FBXO34: variants seen among roughly 807,000 people sequenced by gnomAD.
FBXO34 encodes F-box only protein 34.
Under a neutral mutation model 24.5 loss-of-function variants are expected in FBXO34, and 12 were observed. The ratio of observed to expected loss-of-function variants is 0.49; its 90% CI spans 0.31 to 0.79. The LOEUF is 0.79. Ranked by LOEUF, FBXO34 falls within the 30% of genes least tolerant of loss-of-function variation. FBXO34 has a pLI of 0.04. For synonymous variants in FBXO34, 320 were observed against 311.9 expected, an observed-to-expected ratio of 1.03 and a Z score of -0.27; for missense variants, 823 against 857.7, an observed-to-expected ratio of 0.96 and a Z score of 0.51.
chr14:55,441,133 A>G, the FBXO34 span, among the ~76,000 whole-genome samples: 1 of 152,170 alleles, frequency 6.6e-6, no homozygotes, highest in Non-Finnish European at 1.5e-5. Flanking sequence ...GGCGTGAGCC[A>G]CTGCACCCAG....
chr14:55,332,856 G>A (rs1313944338), intron 1 of FBXO34, among the ~76,000 whole-genome samples: 2 of 152,268 alleles, frequency 1.3e-5, no homozygotes, highest in South Asian at 2.1e-4. Flanking sequence ...TGAGGGGTAC[G>A]AGGCACTGTT....
chr14:55,371,638 A>C (rs982401585), downstream of FBXO34, among the ~76,000 whole-genome samples: 10 of 152,010 alleles, frequency 6.6e-5, no homozygotes, highest in African/African-American at 2.2e-4. Flanking sequence ...CCCTGTCTCT[A>C]CTAAAAATAC....
chr14:55,276,638 C>A (rs72715748), intron 1 of FBXO34, among the ~76,000 whole-genome samples: 1,702 of 151,562 alleles, frequency 0.011, 13 homozygotes, highest in Middle Eastern at 0.027. Flanking sequence ...GTTGAGGAAG[C>A]GGGGGGGTCT....
chr14:55,411,664 C>T, the FBXO34 span: 1 of 1,613,460 alleles, frequency 6.2e-7, no homozygotes, highest in Admixed American at 1.7e-5. Flanking sequence ...TGGCGCAGGT[C>T]AGCCGCCGGC....
chr14:55,320,579 G>A (rs1336176883), intron 1 of FBXO34, among the ~76,000 whole-genome samples: 2 of 152,110 alleles, frequency 1.3e-5, no homozygotes, highest in Non-Finnish European at 2.9e-5. Flanking sequence ...GTGAAACCCC[G>A]TCTCTACTAA....
intron 1 of FBXO34, chr14:55,271,818 C>T (rs1381932741): frequency 1.3e-5 from 2 of 151,796 alleles, no homozygotes; most frequent in East Asian, 2.0e-4. Context: ...CCTGGGTCCC[C>T]GCTGAAGCCG....
At chr14:55,323,212 A>ATATAT (rs1199201615) in intron 1 of FBXO34, among the ~76,000 whole-genome samples, 4,165 of 38,694 alleles carry the variant, frequency 0.11, 469 homozygotes, top group Non-Finnish European at 0.13. Context: ...AAAAAAAAAA[A>ATATAT]AAAAAAATAT....
At chr14:55,432,098 A>T in the FBXO34 span, among the ~76,000 whole-genome samples, 1 of 152,134 alleles carries the variant, frequency 6.6e-6, no homozygotes, top group Non-Finnish European at 1.5e-5. Flanking sequence ...ACCCTTCAAA[A>T]TTTGTGTTTT....
the FBXO34 span, chr14:55,433,670 T>C: frequency 1.2e-6 from 2 of 1,614,126 alleles, no homozygotes; most frequent in Non-Finnish European, 1.7e-6. Flanking sequence ...GAGCTAAATA[T>C]AAGGGCTGTT....
chr14:55,375,224 T>C, the FBXO34 span, among the ~76,000 whole-genome samples: 1 of 152,264 alleles, frequency 6.6e-6, no homozygotes, highest in Non-Finnish European at 1.5e-5. Context: ...ATCACTGCTA[T>C]GGAATTTATA....
the FBXO34 span, among the ~76,000 whole-genome samples, chr14:55,437,937 T>C: frequency 1.3e-5 from 2 of 152,218 alleles, no homozygotes; most frequent in African/African-American, 4.8e-5. Flanking sequence ...TCAATTTATT[T>C]TCAGTCCAGG....
chr14:55,424,228 G>A, the FBXO34 span: 1 of 1,612,998 alleles, frequency 6.2e-7, no homozygotes, highest in African/African-American at 1.3e-5. Context: ...CTATAAATAA[G>A]ACCAGGAAAC....
At chr14:55,437,790 G>T in the FBXO34 span, among the ~76,000 whole-genome samples, 2 of 152,220 alleles carry the variant, frequency 1.3e-5, no homozygotes, top group South Asian at 2.1e-4. Flanking sequence ...ATAGTTGAAT[G>T]CTAATCAAGA....
chr14:55,344,381 AGTT>A (rs571245410), intron 1 of FBXO34, among the ~76,000 whole-genome samples: 85 of 151,944 alleles, frequency 5.6e-4, no homozygotes, highest in Non-Finnish European at 8.5e-4. Flanking sequence ...TTGGAAAAAG[AGTT>A]GTTATCTCTA....
intron 1 of FBXO34, among the ~76,000 whole-genome samples, chr14:55,330,100 A>T (rs964280963): frequency 1.3e-5 from 2 of 152,194 alleles, no homozygotes; most frequent in South Asian, 2.1e-4. Flanking sequence ...TTTCTCTTCC[A>T]TCCAAATTTA....
In FBXO34 at chr14:55,361,075, G is replaced by A. The variant is rs146948375; in HGVS notation, c.*589-658G>A. The stretch of plus-strand genomic sequence containing the variant: ...TGTTTTTAATGGCATCCAGAATGGC[G>A]AATCCATCCCAGTTTTCAGTTGACT... On this transcript the variant is annotated intron_variant and NMD_transcript_variant, in intron 3 of 3. Transcript: ENST00000555280. 1.3e-3 allele frequency among the ~76,000 whole-genome samples: 199 copies of A among 152,132 alleles called. 2 individuals are homozygous for A. Among genetic ancestry groups the A allele is most frequent in the East Asian group, 6.7e-3 (35 of 5,190 alleles).
At chr14:55,388,055 T>C in the FBXO34 span, among the ~76,000 whole-genome samples, 3 of 152,040 alleles carry the variant, frequency 2.0e-5, no homozygotes, top group Non-Finnish European at 4.4e-5. Flanking sequence ...GAGAATTGCT[T>C]GAACCCGGGA....
downstream of FBXO34, chr14:55,369,349 CA>C (rs1288531023): frequency 3.7e-6 from 1 of 273,174 alleles, no homozygotes; most frequent in African/African-American, 2.2e-5. Context: ...CAGAACTGGC[CA>C]CACGCACAGG....
the FBXO34 span, chr14:55,414,322 G>A: frequency 1.4e-4 from 185 of 1,294,860 alleles, no homozygotes; most frequent in Non-Finnish European, 2.0e-4. Context: ...AGCTGTTTCT[G>A]TGCTGGGCTT....
Sources: allele counts gnomAD v4.1 joint callset (sites outside exome capture counted in the v4.1 genomes callset), GRCh38; gene constraint gnomAD v4.1.1; transcripts MANE v1.5; gene names NCBI Gene and HGNC (gene_info 2026-07-23, HGNC 2026-07-21).